Variants in CELF2 observed in about 807,000 individuals in gnomAD.
The protein encoded by CELF2 is CUGBP Elav-like family member 2.
In CELF2, 8 loss-of-function variants were observed where a neutral mutation model predicts 62.6. The observed-to-expected ratio is 0.13, with a 90% CI of 0.07 to 0.23. The LOEUF (loss-of-function observed/expected upper bound fraction) is 0.23. CELF2 is among the 10% of genes least tolerant of loss of function. The pLI is 1.00. For missense variants in CELF2, 333 were observed against 671.0 expected (o/e 0.50, Z 5.56); for synonymous variants, 258 against 250.0 (o/e 1.03, Z -0.30).
the CELF2 span, among the ~76,000 whole-genome samples, chr10:10,662,096 C>T: frequency 6.6e-6 from 1 of 152,038 alleles, no homozygotes. Context: ...CCATTAACAG[C>T]CAGCACACAG....
chr10:10,744,475 A>G, the CELF2 span, among the ~76,000 whole-genome samples: 3 of 152,228 alleles, frequency 2.0e-5, no homozygotes, highest in Non-Finnish European at 4.4e-5. Flanking sequence ...ATTATTCCCA[A>G]GTAAGGATAA....
chr10:10,859,098 G>A (rs1040211042), intron 1 of CELF2, among the ~76,000 whole-genome samples: 4 of 152,108 alleles, frequency 2.6e-5, no homozygotes, highest in South Asian at 4.1e-4. Flanking sequence ...TCAAGTATTC[G>A]TATTAATGAT....
chr10:10,838,276 C>T (rs977427855), intron 1 of CELF2, among the ~76,000 whole-genome samples: 2 of 152,174 alleles, frequency 1.3e-5, no homozygotes, highest in African/African-American at 2.4e-5. Context: ...CCACCATTCC[C>T]ATCCCACTAT....
chr10:10,580,105 TTAAAA>T, the CELF2 span, among the ~76,000 whole-genome samples: 1 of 152,174 alleles, frequency 6.6e-6, no homozygotes, highest in African/African-American at 2.4e-5. Context: ...AGTTTTTCCC[TTAAAA>T]TAATATATTA....
intron 2 of CELF2, among the ~76,000 whole-genome samples, chr10:11,172,895 C>T (rs929065419): frequency 3.3e-5 from 5 of 152,116 alleles, no homozygotes; most frequent in South Asian, 2.1e-4. Flanking sequence ...AGAAAACAGG[C>T]GCTGGATGAA....
chr10:10,564,649 C>T, the CELF2 span, among the ~76,000 whole-genome samples: 1 of 99,770 alleles, frequency 1.0e-5, no homozygotes, highest in Non-Finnish European at 2.0e-5. Flanking sequence ...AATACACACA[C>T]ACACACACAC....
At chr10:11,323,968 A>C (rs1217253600) in intron 11 of CELF2, among the ~76,000 whole-genome samples, 1 of 152,026 alleles carries the variant, frequency 6.6e-6, no homozygotes, top group Non-Finnish European at 1.5e-5. Flanking sequence ...GGATATACAA[A>C]ACCAAACTGT....
In CELF2 at chr10:11,319,606, A is replaced by G. The variant is rs1424944352; in HGVS notation, c.1097-1583A>G. ...CATAATGAGAAACAAAAGCAGACACAGCAGGGCCTCAGCTGGCAACACCTC... is the reference window on the plus strand; with the variant it reads ...CATAATGAGAAACAAAAGCAGACACGGCAGGGCCTCAGCTGGCAACACCTC... On this transcript the variant is annotated intron_variant, in intron 10 of 12. Transcript: ENST00000633077. This position sits in a 1 kb window ranked among gnomAD's most constrained non-coding sequence, Gnocchi z 4.4. Among the ~76,000 whole-genome samples the G allele has an allele frequency of 3.3e-5, 5 of 152,290 alleles. No individual in the cohort carries two copies. Among genetic ancestry groups the G allele is most frequent in the African/African-American group, 1.2e-4 (5 of 41,566 alleles).
intron 1 of CELF2, among the ~76,000 whole-genome samples, chr10:11,051,838 T>A (rs2063985722): frequency 6.6e-6 from 1 of 152,118 alleles, no homozygotes; most frequent in Non-Finnish European, 1.5e-5. Flanking sequence ...AATCTAATGA[T>A]CTTAACTGCT....
chr10:11,218,745 G>A (rs2063994716), intron 3 of CELF2, among the ~76,000 whole-genome samples: 1 of 152,236 alleles, frequency 6.6e-6, no homozygotes, highest in Non-Finnish European at 1.5e-5. Context: ...AACTGCTAAG[G>A]TGGTTCTTAG....
At chr10:10,506,314 G>A in the CELF2 span, among the ~76,000 whole-genome samples, 1 of 150,516 alleles carries the variant, frequency 6.6e-6, no homozygotes, top group Non-Finnish European at 1.5e-5. Flanking sequence ...CTGTGTCTGT[G>A]TCTATATAGG....
At chr10:10,705,515 G>T in the CELF2 span, among the ~76,000 whole-genome samples, 29 of 152,138 alleles carry the variant, frequency 1.9e-4, no homozygotes, top group Admixed American at 1.7e-3. Context: ...GTGGAAGTGT[G>T]GGGTAAAGAA....
intron 2 of CELF2, among the ~76,000 whole-genome samples, chr10:11,197,278 C>G (rs906945796): frequency 7.2e-5 from 11 of 152,068 alleles, no homozygotes; most frequent in South Asian, 2.1e-4. Flanking sequence ...TGCACTCTGT[C>G]CGTGATACCA....
At chr10:10,483,927 ACT>A in the CELF2 span, among the ~76,000 whole-genome samples, 52 of 82,344 alleles carry the variant, frequency 6.3e-4, 1 homozygote, top group African/African-American at 2.3e-3. Context: ...CTCTCTCTCA[ACT>A]CTCTCTCGTC....
At chr10:11,238,531 T>G (rs1203714792) in intron 3 of CELF2, among the ~76,000 whole-genome samples, 1 of 152,224 alleles carries the variant, frequency 6.6e-6, no homozygotes, top group African/African-American at 2.4e-5. Flanking sequence ...ATTCATTGCT[T>G]CTTATATCAC....
intron 2 of CELF2, among the ~76,000 whole-genome samples, chr10:10,987,085 C>T (rs554698781): frequency 6.6e-6 from 1 of 152,290 alleles, no homozygotes; most frequent in African/African-American, 2.4e-5. Context: ...GTCCTACCGT[C>T]TCAATTGCAT....
the CELF2 span, among the ~76,000 whole-genome samples, chr10:10,774,917 C>T: frequency 2.5e-3 from 377 of 151,046 alleles, 2 homozygotes; most frequent in African/African-American, 8.6e-3. Flanking sequence ...CTCTCTGTGT[C>T]ACCCAGGCTG....
chr10:10,663,364 A>C, the CELF2 span, among the ~76,000 whole-genome samples: 1 of 152,226 alleles, frequency 6.6e-6, no homozygotes, highest in Non-Finnish European at 1.5e-5. Flanking sequence ...CCCCCAAAGA[A>C]TAAAAGCACA....
At chr10:10,592,760 C>T in the CELF2 span, among the ~76,000 whole-genome samples, 1 of 152,080 alleles carries the variant, frequency 6.6e-6, no homozygotes, top group Admixed American at 6.5e-5. Context: ...TGCTAAGTGC[C>T]AGCCACTCTG....
Sources: allele counts gnomAD v4.1 joint callset (sites outside exome capture counted in the v4.1 genomes callset), GRCh38; gene constraint gnomAD v4.1.1; non-coding constraint Gnocchi (gnomAD v3.1); transcripts MANE v1.5; gene names NCBI Gene and HGNC (gene_info 2026-07-23, HGNC 2026-07-21).